The following PDE4D variants were observed in gnomAD, a reference collection of about 807,000 sequenced individuals.
The protein encoded by PDE4D is 3',5'-cyclic-AMP phosphodiesterase 4D.
PDE4D carries 24 observed loss-of-function variants against 87.4 expected under a neutral mutation model. The observed-to-expected ratio is 0.27, with a 90% confidence interval of 0.20 to 0.39. The LOEUF is 0.39. PDE4D is among the 10% of genes least tolerant of loss of function. The pLI is 1.00. For missense variants in PDE4D, 714 were observed against 1,041.0 expected (o/e 0.69, Z 4.32); for synonymous variants, 384 against 383.2 (o/e 1.00, Z -0.02).
Position 60,307,794 on chromosome 5 carries a change from A to T in PDE4D, c.-89-122107T>A, listed in dbSNP as rs373171959. ...ATGTCCCCACAAATTATGCCCTTAA[A>T]ATTAACCAAAATATTAAAGCATAGA... On this transcript the variant is annotated intron_variant, in intron 1 of 16. Coordinates refer to the PDE4D transcript ENST00000502484. Among the ~76,000 whole-genome samples the T allele has an allele frequency of 3.9e-5, 6 of 152,294 alleles. 1 individual carries two copies. The highest frequency in any genetic ancestry group is 1.4e-4 in the African/African-American group (6 of 41,548).
At chr5:59,252,036 G>A (rs967593655) in intron 1 of PDE4D, among the ~76,000 whole-genome samples, 8 of 152,080 alleles carry the variant, frequency 5.3e-5, no homozygotes, top group Admixed American at 2.6e-4. Flanking sequence ...GGGAGGGTGG[G>A]AAGAAGGAGA....
intron 1 of PDE4D, among the ~76,000 whole-genome samples, chr5:59,503,488 A>G (rs1808686446): frequency 6.6e-6 from 1 of 152,136 alleles, no homozygotes; most frequent in Admixed American, 6.5e-5. Context: ...ATAAGTAGAT[A>G]ACGATATCTA....
intron 2 of PDE4D, among the ~76,000 whole-genome samples, chr5:60,161,583 G>A (rs1782480172): frequency 6.6e-6 from 1 of 152,072 alleles, no homozygotes; most frequent in Non-Finnish European, 1.5e-5. Flanking sequence ...GGATCCCCTA[G>A]TTGAAGAAAC....
chr5:59,564,446 C>T (rs1820560762), intron 1 of PDE4D, among the ~76,000 whole-genome samples: 1 of 152,262 alleles, frequency 6.6e-6, no homozygotes, highest in East Asian at 1.9e-4. Context: ...TGAAGAGTTG[C>T]CATGTGGTCC....
intron 2 of PDE4D, among the ~76,000 whole-genome samples, chr5:60,183,415 C>T (rs1349113700): frequency 6.6e-6 from 1 of 152,186 alleles, no homozygotes. Context: ...AGAACACTCA[C>T]ATAGTTTAAC....
intron 1 of PDE4D, among the ~76,000 whole-genome samples, chr5:60,402,203 G>A (rs1479589568): frequency 6.6e-6 from 1 of 152,192 alleles, no homozygotes; most frequent in Non-Finnish European, 1.5e-5. Context: ...CCCATGGGTA[G>A]AGAACATTGA....
chr5:60,052,384 A>C, intron 2 of PDE4D, among the ~76,000 whole-genome samples: 1 of 152,232 alleles, frequency 6.6e-6, no homozygotes, highest in East Asian at 1.9e-4. Flanking sequence ...CTGGTTCAAC[A>C]TATGCAAATC....
At chr5:59,397,928 T>C (rs200744792) in intron 1 of PDE4D, among the ~76,000 whole-genome samples, 1 of 85,882 alleles carries the variant, frequency 1.2e-5, no homozygotes, top group Non-Finnish European at 2.4e-5. Flanking sequence ...AAATACAAAC[T>C]ACCATCAGAG....
chr5:59,736,131 A>G (rs763031948), intron 1 of PDE4D, among the ~76,000 whole-genome samples: 1 of 151,780 alleles, frequency 6.6e-6, no homozygotes, highest in African/African-American at 2.4e-5. Context: ...ATAATAATAA[A>G]TTAATTAATT....
chr5:59,377,192 C>T lies in PDE4D; in HGVS notation c.456-161224G>A, dbSNP rs1161525576. ...CAGCACTTTGGGAGGCTGAGGCAGG[C>T]AGATCACGAGGTCAGGAGATCGAGA... On this transcript the variant is annotated intron_variant, in intron 1 of 14. Coordinates refer to ENST00000340635, the MANE Select transcript of PDE4D (RefSeq NM_001104631.2). 2.0e-5 allele frequency among the ~76,000 whole-genome samples: 3 copies of T among 151,938 alleles called. No individual in the cohort carries two copies. In the East Asian group the frequency reaches 5.8e-4, roughly 29 times the overall value.
intron 1 of PDE4D, among the ~76,000 whole-genome samples, chr5:60,434,852 A>G (rs1744639046): frequency 6.6e-6 from 1 of 152,122 alleles, no homozygotes; most frequent in Non-Finnish European, 1.5e-5. Context: ...CTGTATGTCA[A>G]ATTAAGAGTA....
chr5:59,877,261 G>C (rs192122718), intron 1 of PDE4D, among the ~76,000 whole-genome samples: 42 of 152,102 alleles, frequency 2.8e-4, no homozygotes, highest in Non-Finnish European at 4.6e-4. Flanking sequence ...AAATGCAAAG[G>C]CTTGTTAAGT....
intron 2 of PDE4D, among the ~76,000 whole-genome samples, chr5:59,194,692 TG>T (rs1375556661): frequency 3.3e-5 from 5 of 152,218 alleles, no homozygotes; most frequent in Non-Finnish European, 5.9e-5. Context: ...AAGGGGCACC[TG>T]CTCTTTGTAG....
At chr5:60,399,653 A>ATG (rs1740867093) in intron 1 of PDE4D, among the ~76,000 whole-genome samples, 1 of 152,244 alleles carries the variant, frequency 6.6e-6, no homozygotes, top group Non-Finnish European at 1.5e-5. Context: ...CTGTGGTGGC[A>ATG]GCAGCCAGTT....
At chr5:59,225,065 A>T (rs1753445103) in intron 1 of PDE4D, among the ~76,000 whole-genome samples, 2 of 152,214 alleles carry the variant, frequency 1.3e-5, no homozygotes, top group South Asian at 4.1e-4. Flanking sequence ...ACTCTCTCTA[A>T]GAAAGCATCT....
At chr5:59,469,046 G>A (rs183311209) in intron 1 of PDE4D, among the ~76,000 whole-genome samples, 171 of 152,194 alleles carry the variant, frequency 1.1e-3, no homozygotes, top group Admixed American at 4.9e-3. Flanking sequence ...ACTAACACAC[G>A]GCCAGGTGCG....
intron 2 of PDE4D, among the ~76,000 whole-genome samples, chr5:60,066,261 C>T (rs993959846): frequency 9.2e-5 from 14 of 151,928 alleles, no homozygotes; most frequent in African/African-American, 1.4e-4. Flanking sequence ...TCATATCCTT[C>T]GCCCACTTTT....
chr5:60,090,113 C>T (rs1774974039), intron 2 of PDE4D, among the ~76,000 whole-genome samples: 3 of 152,064 alleles, frequency 2.0e-5, no homozygotes, highest in Admixed American at 2.0e-4. Context: ...TACCAATTCT[C>T]TTTAAACTGT....
chr5:60,251,569 A>G (rs1195126043), intron 1 of PDE4D, among the ~76,000 whole-genome samples: 4 of 151,944 alleles, frequency 2.6e-5, no homozygotes, highest in Non-Finnish European at 5.9e-5. Context: ...ATAGTATTCC[A>G]TGGTGTATAT....
Sources: gnomAD v4.1 joint callset for allele counts (sites outside exome capture counted in the v4.1 genomes callset) on GRCh38, gnomAD v4.1.1 for gene constraint, MANE v1.5 for transcripts, NCBI Gene and HGNC (gene_info 2026-07-23, HGNC 2026-07-21) for gene names.